Variants in ITPR2 observed in about 807,000 individuals in gnomAD.
ITPR2 encodes inositol 1,4,5-trisphosphate-gated calcium channel ITPR2.
A neutral mutation model predicts 317.1 loss-of-function variants in ITPR2; 207 were observed. That is an observed-to-expected ratio of 0.65 (90% CI 0.58 to 0.73). The LOEUF is 0.73. Among genes scored for constraint, ITPR2 ranks in the 30% least tolerant of loss-of-function variants. The pLI is 0.00. For synonymous variants in ITPR2, 1,156 were observed against 1,149.1 expected (o/e 1.01, Z -0.12); for missense variants, 2,613 against 3,284.0 (o/e 0.80, Z 4.99).
chr12:26,511,327 C>T (rs773938601), intron 37 of ITPR2, among the ~76,000 whole-genome samples: 8 of 152,224 alleles, frequency 5.3e-5, no homozygotes, highest in Non-Finnish European at 1.2e-4. Context: ...TCTGACACCC[C>T]TCCCCTAGCC....
At chr12:26,815,803 G>C (rs1205237500) in intron 1 of ITPR2, among the ~76,000 whole-genome samples, 2 of 152,110 alleles carry the variant, frequency 1.3e-5, no homozygotes, top group African/African-American at 4.8e-5. Flanking sequence ...CTTAAAAACA[G>C]GTGTACTGTG....
chr12:26,631,925 T>C lies in ITPR2; in HGVS notation c.2875A>G (p.Thr959Ala), dbSNP rs1335760081. ...SIHPSKQGSP[T>A]EHEDVTVMDT... is the part of the protein sequence containing the mutation. ...ATCACAGTCACATCCTCGTGCTCGG[T>C]GGGGCTCCCTTGCTTGCTCGGGTGG... Residue 959 changes from threonine to alanine, a missense_variant, in exon 22 of 57, where the codon ACC becomes GCC. By Grantham distance (58) the Thr-to-Ala change is moderately conservative. Around this residue, in one of 9 missense-constraint regions of ITPR2, gnomAD observed 817 missense variants for 897.6 expected, o/e 0.91. Coordinates refer to ENST00000381340, the MANE Select transcript of ITPR2 (RefSeq NM_002223.4). 6.2e-7 allele frequency: 1 copy of C among 1,613,990 alleles called. No homozygotes were observed. Among genetic ancestry groups the C allele is most frequent in the Non-Finnish European group, 8.5e-7 (1 of 1,179,968 alleles).
chr12:26,372,694 T>C (rs1939221299), intron 55 of ITPR2, among the ~76,000 whole-genome samples: 1 of 152,240 alleles, frequency 6.6e-6, no homozygotes, highest in Non-Finnish European at 1.5e-5. Context: ...CAAGTAAGAA[T>C]AACTTTTATC....
intron 51 of ITPR2, among the ~76,000 whole-genome samples, chr12:26,414,395 G>C (rs1056346877): frequency 6.6e-6 from 1 of 152,038 alleles, no homozygotes; most frequent in Non-Finnish European, 1.5e-5. Context: ...CATTTGCAAG[G>C]CATCACTAAT....
intron 49 of ITPR2, among the ~76,000 whole-genome samples, chr12:26,425,582 C>T (rs759935462): frequency 4.0e-5 from 6 of 151,264 alleles, no homozygotes; most frequent in African/African-American, 9.7e-5. Context: ...GCAGGAAAAC[C>T]GCTTGAACCT....
At chr12:26,521,501 C>G (rs1052064993) in intron 37 of ITPR2, among the ~76,000 whole-genome samples, 2 of 152,172 alleles carry the variant, frequency 1.3e-5, no homozygotes, top group African/African-American at 4.8e-5. Context: ...TATATGCAGT[C>G]AGGGGCCCCT....
At chr12:26,739,704 G>C (rs1251801795) in intron 2 of ITPR2, among the ~76,000 whole-genome samples, 2 of 152,158 alleles carry the variant, frequency 1.3e-5, no homozygotes, top group Non-Finnish European at 2.9e-5. Context: ...TGATGTAAGT[G>C]ATTTAAGTAT....
At chr12:26,357,398 G>T (rs1002263332) in intron 55 of ITPR2, among the ~76,000 whole-genome samples, 1 of 152,160 alleles carries the variant, frequency 6.6e-6, no homozygotes, top group African/African-American at 2.4e-5. Flanking sequence ...AGGGTGATCT[G>T]CCCTGGCTCC....
intron 55 of ITPR2, among the ~76,000 whole-genome samples, chr12:26,364,818 C>G (rs1938954036): frequency 6.6e-6 from 1 of 152,238 alleles, no homozygotes; most frequent in Admixed American, 6.5e-5. Context: ...TGTGTTACTA[C>G]CCCCAATTTG....
chr12:26,779,422 A>G (rs980771609), intron 2 of ITPR2, among the ~76,000 whole-genome samples: 5 of 152,190 alleles, frequency 3.3e-5, no homozygotes, highest in African/African-American at 4.8e-5. Flanking sequence ...GCAGCATTCT[A>G]TCATCGAATG....
chr12:26,546,673 A>G (rs987497436), intron 37 of ITPR2, among the ~76,000 whole-genome samples: 1 of 152,118 alleles, frequency 6.6e-6, no homozygotes, highest in East Asian at 1.9e-4. Context: ...CACTACACTA[A>G]CCAAAGCAGC....
At chr12:26,525,174 G>A (rs1391594375) in intron 37 of ITPR2, among the ~76,000 whole-genome samples, 1 of 152,160 alleles carries the variant, frequency 6.6e-6, no homozygotes, top group Admixed American at 6.5e-5. Flanking sequence ...TCACTACCAT[G>A]AGGAGAGTGT....
intron 55 of ITPR2, among the ~76,000 whole-genome samples, chr12:26,344,443 C>A (rs1476150257): frequency 6.6e-6 from 1 of 152,146 alleles, no homozygotes; most frequent in Non-Finnish European, 1.5e-5. Flanking sequence ...CCAAAAGAAA[C>A]AGATGCAAAA....
chr12:26,616,011 A>G (rs539112188), intron 26 of ITPR2, among the ~76,000 whole-genome samples: 20 of 152,280 alleles, frequency 1.3e-4, no homozygotes, highest in African/African-American at 3.4e-4. Flanking sequence ...GCAAACCTCA[A>G]TGAATTTTGG....
chr12:26,527,906 T>C (rs1943848813), intron 37 of ITPR2, among the ~76,000 whole-genome samples: 1 of 152,208 alleles, frequency 6.6e-6, no homozygotes, highest in Non-Finnish European at 1.5e-5. Flanking sequence ...CCGCTAGTGA[T>C]ACCTTTGGCC....
At chr12:26,815,101 G>T (rs945825897) in intron 1 of ITPR2, among the ~76,000 whole-genome samples, 2 of 152,198 alleles carry the variant, frequency 1.3e-5, no homozygotes, top group African/African-American at 4.8e-5. Context: ...CACTCTGGGA[G>T]GCCGAGACGG....
chr12:26,829,073 A>T (rs1037838914), intron 1 of ITPR2, among the ~76,000 whole-genome samples: 1 of 152,224 alleles, frequency 6.6e-6, no homozygotes, highest in African/African-American at 2.4e-5. Context: ...AAATTAAATG[A>T]GCCTTTTTCA....
chr12:26,605,122 T>TA (rs1365014811), intron 26 of ITPR2, among the ~76,000 whole-genome samples: 1 of 81,956 alleles, frequency 1.2e-5, no homozygotes, highest in African/African-American at 4.7e-5. Context: ...AAATAAAAAA[T>TA]AAAAATATAT....
rs35900258 is a variant in ITPR2, at chr12:26,594,740, C to CA, written c.4380+724dup. On this transcript the variant is annotated intron_variant, in intron 32 of 56. Coordinates refer to ENST00000381340, the MANE Select transcript of ITPR2 (RefSeq NM_002223.4). The stretch of plus-strand genomic sequence containing the variant: ...CTGGCTGTTATGATAATTCAGTATG[C>CA]AAAAAAAAAAGGCTAAGATGTGCTA... 8.7e-3 allele frequency among the ~76,000 whole-genome samples: 1,231 copies of CA among 141,562 alleles called. 27 individuals are homozygous for CA. The highest frequency in any genetic ancestry group is 0.03 in the African/African-American group (1,153 of 38,718). 92.9% of individuals were successfully genotyped at this position (141,562 alleles called of 152,430 possible).
Sources: allele counts gnomAD v4.1 joint callset (sites outside exome capture counted in the v4.1 genomes callset), GRCh38; gene constraint gnomAD v4.1.1; regional missense constraint gnomAD v4.1.1; transcripts MANE v1.5; gene names NCBI Gene and HGNC (gene_info 2026-07-23, HGNC 2026-07-21).